PCDHA12: variants seen among roughly 807,000 people sequenced by gnomAD.
The protein encoded by PCDHA12 is protocadherin alpha-12.
PCDHA12 carries 44 observed loss-of-function variants against 60.0 expected under a neutral mutation model. That is an observed-to-expected ratio of 0.73 (90% CI 0.58 to 0.94). The LOEUF is 0.94. Among genes scored for constraint, PCDHA12 ranks in the 40% least tolerant of loss-of-function variants. The probability of loss-of-function intolerance (pLI) is 0.00; values close to 1 mark genes in which losing one functional copy is unlikely to be tolerated. For synonymous variants in PCDHA12, 569 were observed against 553.0 expected, an observed-to-expected ratio of 1.03 and a Z score of -0.40; for missense variants, 1,276 against 1,239.7, an observed-to-expected ratio of 1.03 and a Z score of -0.44.
chr5:140,942,926 GAA>G (rs1554215307), intron 1 of PCDHA12, among the ~76,000 whole-genome samples: 2 of 151,984 alleles, frequency 1.3e-5, no homozygotes, highest in East Asian at 3.9e-4. Flanking sequence ...AAAAAAAATT[GAA>G]AAAGAGTTTA....
At chr5:140,929,192 A>C (rs1367500775) in intron 1 of PCDHA12, 1 of 1,614,124 alleles carries the variant, frequency 6.2e-7, no homozygotes, top group Non-Finnish European at 8.5e-7. Context: ...TCTGATAATA[A>C]CAGTTTGCTG....
intron 2 of PCDHA12, 142 bp from the exon 3 acceptor site, chr5:140,982,333 A>C (rs2096978357): frequency 1.4e-6 from 2 of 1,438,566 alleles, no homozygotes; most frequent in Admixed American, 4.6e-5. Context: ...ACTGCTCAGC[A>C]GTAATTGCTT....
intron 1 of PCDHA12, chr5:140,927,342 T>C: frequency 6.2e-7 from 1 of 1,614,160 alleles, no homozygotes; most frequent in Non-Finnish European, 8.5e-7. Context: ...ATGCCCAAGA[T>C]GACGACGAGG....
chr5:140,882,127 C>A (rs2058964637), intron 1 of PCDHA12: 23 of 1,464,566 alleles, frequency 1.6e-5, no homozygotes, highest in Admixed American at 4.6e-5. Flanking sequence ...TTTCTTTCTT[C>A]CTGCAGAAAA....
At chr5:140,901,340 T>G (rs1306421981) in intron 1 of PCDHA12, among the ~76,000 whole-genome samples, 1 of 152,206 alleles carries the variant, frequency 6.6e-6, no homozygotes, top group Non-Finnish European at 1.5e-5. Context: ...CGTTTTATAG[T>G]TTGATGTCTT....
intron 2 of PCDHA12, among the ~76,000 whole-genome samples, chr5:140,979,622 T>C (rs1300997272): frequency 6.6e-6 from 1 of 152,246 alleles, no homozygotes; most frequent in Non-Finnish European, 1.5e-5. Flanking sequence ...GGTATTAGTC[T>C]AAGACTCAGA....
At position 140,876,791 on chromosome 5, in the gene PCDHA12, G is replaced by A. The variant is rs782617794; in HGVS notation, c.1319G>A (p.Arg440Lys). 6.2e-7 allele frequency: 1 copy of A among 1,614,242 alleles called. No individual in the cohort carries two copies. The highest frequency in any genetic ancestry group is 8.5e-7 in the Non-Finnish European group (1 of 1,180,034). The change falls in exon 1 of 4, where the codon AGA (arginine) becomes AAA (lysine). Residue 440 changes from arginine to lysine, a missense_variant. Transcript: ENST00000398631. The part of the protein sequence containing the change: ...GGSPSLWATA[R>K]VSVEVADVND... Reference sequence around the variant, plus strand: ...TCGCCTTCGCTGTGGGCCACGGCTAGAGTGTCCGTGGAGGTGGCCGACGTG... The same window carrying A: ...TCGCCTTCGCTGTGGGCCACGGCTAAAGTGTCCGTGGAGGTGGCCGACGTG...
intron 1 of PCDHA12, chr5:140,969,200 G>A: frequency 2.5e-6 from 4 of 1,614,132 alleles, no homozygotes; most frequent in Non-Finnish European, 3.4e-6. Context: ...TTACAATACA[G>A]GGGCCCAGAC....
At chr5:140,978,030 A>T (rs2096786422) in intron 1 of PCDHA12, among the ~76,000 whole-genome samples, 1 of 152,194 alleles carries the variant, frequency 6.6e-6, no homozygotes, top group Non-Finnish European at 1.5e-5. Flanking sequence ...GCTTACTGAT[A>T]CAAGACAGTG....
At chr5:140,948,269 A>G (rs1339240276) in intron 1 of PCDHA12, among the ~76,000 whole-genome samples, 1 of 151,602 alleles carries the variant, frequency 6.6e-6, no homozygotes, top group Non-Finnish European at 1.5e-5. Flanking sequence ...GTTCATGTAG[A>G]ATATCTGTAA....
At chr5:140,880,822 A>G (rs893258483) in intron 1 of PCDHA12, among the ~76,000 whole-genome samples, 1 of 152,206 alleles carries the variant, frequency 6.6e-6, no homozygotes, top group Non-Finnish European at 1.5e-5. Context: ...GAGTGTCTGG[A>G]AGGGCATATT....
At chr5:140,959,099 G>T (rs1233693181) in intron 1 of PCDHA12, among the ~76,000 whole-genome samples, 1 of 152,078 alleles carries the variant, frequency 6.6e-6, no homozygotes, top group Non-Finnish European at 1.5e-5. Context: ...CGGACATTCA[G>T]CAGGGGTCCG....
At chr5:140,973,492 T>C (rs2096590680) in intron 1 of PCDHA12, among the ~76,000 whole-genome samples, 1 of 152,192 alleles carries the variant, frequency 6.6e-6, no homozygotes, top group African/African-American at 2.4e-5. Context: ...GTCACAGGAC[T>C]CTTCTTCTGA....
chr5:140,962,920 T>C (rs2095718930), intron 1 of PCDHA12, among the ~76,000 whole-genome samples: 1 of 152,186 alleles, frequency 6.6e-6, no homozygotes, highest in South Asian at 2.1e-4. Context: ...ATTTGACAGA[T>C]ACTTCTCAAC....
chr5:140,990,825 AAGCCTATTAGCAAAAATAG>A (rs2097418390), intron 3 of PCDHA12, among the ~76,000 whole-genome samples: 1 of 152,202 alleles, frequency 6.6e-6, no homozygotes, highest in Non-Finnish European at 1.5e-5. Flanking sequence ...CTCTCAGCTA[AAGCCTATTAGCAAAAATAG>A]AGCCCTGAGG....
rs781919488 is a variant in PCDHA12 at position 141,010,129 on chromosome 5, G to T, written c.*192G>T. 1 of 1,601,910 alleles carries T rather than the reference G, an allele frequency of 6.2e-7. No individual in the cohort carries two copies. Among genetic ancestry groups the T allele is most frequent in the East Asian group, 2.2e-5 (1 of 44,578 alleles). ...TGTCGTAAAAGCTTTACTAAGTCTGGTGTTAACTCTTTCTCTCCACTCTGG... is the reference window on the plus strand; with the variant it reads ...TGTCGTAAAAGCTTTACTAAGTCTGTTGTTAACTCTTTCTCTCCACTCTGG... On this transcript the variant is annotated 3_prime_UTR_variant, in exon 4 of 4. Transcript: ENST00000398631.
At chr5:140,895,026 A>G (rs549013601) in intron 1 of PCDHA12, among the ~76,000 whole-genome samples, 5 of 152,096 alleles carry the variant, frequency 3.3e-5, no homozygotes, top group African/African-American at 1.2e-4. Flanking sequence ...CCTTTGTTTA[A>G]TTGTCCCCCA....
chr5:140,915,138 G>A (rs139042327), intron 1 of PCDHA12, among the ~76,000 whole-genome samples: 2,353 of 151,838 alleles, frequency 0.015, 60 homozygotes, highest in African/African-American at 0.053. Context: ...TAGTAGAGAC[G>A]GGGTTTCACC....
intron 1 of PCDHA12, chr5:140,883,610 G>C: frequency 6.2e-7 from 1 of 1,614,046 alleles, no homozygotes; most frequent in Non-Finnish European, 8.5e-7. Flanking sequence ...GGTGGCCGAC[G>C]TGAACGACAA....
Sources: gnomAD v4.1 joint callset for allele counts (sites outside exome capture counted in the v4.1 genomes callset) on GRCh38, gnomAD v4.1.1 for gene constraint, MANE v1.5 for transcripts, NCBI Gene and HGNC (gene_info 2026-07-23, HGNC 2026-07-21) for gene names.